PHF6: variants seen among roughly 807,000 people sequenced by gnomAD.
PHF6 encodes PHD finger protein 6.
Under a neutral mutation model 34.0 loss-of-function variants are expected in PHF6, and 7 were observed. That is an observed-to-expected ratio of 0.21 (90% confidence interval 0.12 to 0.39). The LOEUF (loss-of-function observed/expected upper bound fraction) is 0.39, where lower values mean the gene tolerates loss of function less well. PHF6 is among the 10% of genes least tolerant of loss of function. The pLI, the probability that PHF6 is intolerant of heterozygous loss-of-function variation, is 1.00. For synonymous variants in PHF6, 89 were observed against 88.4 expected, an observed-to-expected ratio of 1.01 and a Z score of -0.04; for missense variants, 128 against 262.8, an observed-to-expected ratio of 0.49 and a Z score of 3.55.
At chrX:134,424,996 A>G (rs1427253820) in intron 9 of PHF6, among the ~76,000 whole-genome samples, 1 of 111,997 alleles carries the variant, frequency 8.9e-6, no homozygotes, top group Non-Finnish European at 1.9e-5. Flanking sequence ...ATTTTGTTTC[A>G]GATGAACTTT....
At chrX:134,393,678 A>T (rs201066973) in intron 4 of PHF6, 44 bp downstream of exon 4, 2 of 1,052,104 alleles carry the variant, frequency 1.9e-6, no homozygotes, top group Non-Finnish European at 2.6e-6. Flanking sequence ...TAACAATAAT[A>T]CTTTCTTTGG....
At chrX:134,376,226 G>T (rs1375452966) in intron 1 of PHF6, among the ~76,000 whole-genome samples, 1 of 112,247 alleles carries the variant, frequency 8.9e-6, no homozygotes, top group Admixed American at 9.5e-5. Context: ...GCATACAGCT[G>T]CTACTGTTCT....
chrX:134,400,831 A>G (rs1194523815), intron 5 of PHF6, among the ~76,000 whole-genome samples: 2 of 111,601 alleles, frequency 1.8e-5, no homozygotes, highest in African/African-American at 3.3e-5. Flanking sequence ...ATGTGCATAG[A>G]GAAAGTGGCT....
intron 8 of PHF6, 79 bp downstream of exon 8, chrX:134,415,199 C>G (rs1162928575): frequency 8.3e-7 from 1 of 1,202,847 alleles, no homozygotes; most frequent in Non-Finnish European, 1.1e-6. Context: ...CAAATTTATC[C>G]AGTCATCAGA....
intron 3 of PHF6, among the ~76,000 whole-genome samples, chrX:134,381,644 G>A (rs911991477): frequency 9.1e-6 from 1 of 110,076 alleles, no homozygotes. Flanking sequence ...ACAGGCATGT[G>A]CCACCATGCC....
At chrX:134,420,684 C>G (rs1383014975) in intron 9 of PHF6, among the ~76,000 whole-genome samples, 1 of 110,911 alleles carries the variant, frequency 9.0e-6, no homozygotes, top group Non-Finnish European at 1.9e-5. Flanking sequence ...CCTTGACCTC[C>G]TGGGCTCAGG....
At chrX:134,408,633 T>A (rs1026980631) in intron 5 of PHF6, among the ~76,000 whole-genome samples, 7 of 112,456 alleles carry the variant, frequency 6.2e-5, no homozygotes, top group Admixed American at 1.9e-4. Context: ...CATTTTTCTC[T>A]TGGGGTTTGT....
chrX:134,418,791 A>G (rs1307716422), intron 9 of PHF6: 2 of 111,181 alleles, frequency 1.8e-5, no homozygotes, highest in Admixed American at 9.6e-5. Context: ...ACCAAACCTA[A>G]CAAAGATACG....
chrX:134,415,545 T>C (rs2077469846), intron 8 of PHF6, among the ~76,000 whole-genome samples: 1 of 112,235 alleles, frequency 8.9e-6, no homozygotes, highest in Non-Finnish European at 1.9e-5. Context: ...TTAAATAAAA[T>C]AATATAAAAT....
At chrX:134,401,880 G>T (rs775759902) in intron 5 of PHF6, among the ~76,000 whole-genome samples, 2 of 111,812 alleles carry the variant, frequency 1.8e-5, no homozygotes, top group South Asian at 3.7e-4. Context: ...CAGGAAATAG[G>T]GTCACCATAG....
Position 134,413,662 on chromosome X carries a change from G to GT in PHF6, c.585+6dup. On this transcript the variant is annotated splice_donor_region_variant and intron_variant, in intron 6 of 10. Transcript: ENST00000370803. ...GAAATGGAAAGTAGTTCCTATGTAAGTAAAAAAAACTGTTGGATTCTTACT... is the reference window on the plus strand; with the variant it reads ...GAAATGGAAAGTAGTTCCTATGTAAGTTAAAAAAAACTGTTGGATTCTTACT... 8.3e-7 allele frequency: 1 copy of GT among 1,209,439 alleles called. No individual in the cohort carries two copies. The highest frequency in any genetic ancestry group is 1.8e-5 in the South Asian group (1 of 56,887).
intron 3 of PHF6, among the ~76,000 whole-genome samples, chrX:134,378,648 A>C (rs2077289869): frequency 8.9e-6 from 1 of 112,871 alleles, no homozygotes; most frequent in South Asian, 3.6e-4. Flanking sequence ...ATGTTCCCGT[A>C]GTTGTCTTCA....
At chrX:134,385,127 C>T (rs762828333) in intron 3 of PHF6, among the ~76,000 whole-genome samples, 1 of 111,676 alleles carries the variant, frequency 9.0e-6, no homozygotes, top group Admixed American at 9.5e-5. Context: ...GCCTGCCATT[C>T]AGAAGTCTTG....
At position 134,393,581 on chromosome X, in the gene PHF6, T is replaced by C; in HGVS notation, c.321T>C (p.Cys107=). The change falls in exon 4 of 11, where the codon TGT becomes TGC. Residue 107 remains cysteine (C), a synonymous_variant. Coordinates refer to ENST00000370803, the MANE Select transcript of PHF6 (RefSeq NM_001015877.2). ...KTCHRTYHYH[C]ALHDKAQIRE... ...GTCACAGGACATACCACTACCACTG[T>C]GCATTGCATGATAAAGCTCAAATAC... is the stretch of plus-strand genomic sequence containing the variant. The C allele has an allele frequency of 8.3e-7, 1 of 1,207,115 alleles. No individual in the cohort carries two copies. Among genetic ancestry groups the C allele is most frequent in the Non-Finnish European group, 1.1e-6 (1 of 891,425 alleles).
chrX:134,405,825 T>C (rs1453402202), intron 5 of PHF6, among the ~76,000 whole-genome samples: 2 of 108,339 alleles, frequency 1.8e-5, no homozygotes, highest in Non-Finnish European at 3.8e-5. Context: ...TAATATCAAG[T>C]ATATCAAGTA....
At chrX:134,389,037 A>G (rs1381144581) in intron 3 of PHF6, among the ~76,000 whole-genome samples, 1 of 112,042 alleles carries the variant, frequency 8.9e-6, no homozygotes, top group Non-Finnish European at 1.9e-5. Flanking sequence ...GTAATAAGAC[A>G]GGACCTCTTT....
intron 9 of PHF6, among the ~76,000 whole-genome samples, chrX:134,421,731 A>C (rs2124257795): frequency 9.3e-6 from 1 of 107,939 alleles, no homozygotes; most frequent in East Asian, 2.9e-4. Flanking sequence ...CGTTTATGTG[A>C]TTATGTGTGT....
chrX:134,393,488 C>T lies in PHF6; in HGVS notation c.241-13C>T, dbSNP rs375674521. 1.7e-4 allele frequency: 208 copies of T among 1,207,204 alleles called. No homozygotes were observed. Among genetic ancestry groups the T allele is most frequent in the Non-Finnish European group, 2.1e-4 (191 of 892,976 alleles). On this transcript the variant is annotated splice_polypyrimidine_tract_variant and intron_variant, in intron 3 of 10. Coordinates refer to ENST00000370803, the MANE Select transcript of PHF6 (RefSeq NM_001015877.2). ...TCACATACTAATAATATTATTTTGT[C>T]GTTTTGCTGTAGATGTGTTCTTTGT... is the stretch of plus-strand genomic sequence containing the variant.
chrX:134,383,368 A>G (rs1243920416), intron 3 of PHF6, among the ~76,000 whole-genome samples: 1 of 111,763 alleles, frequency 8.9e-6, no homozygotes, highest in Non-Finnish European at 1.9e-5. Flanking sequence ...ATCCTTCTGT[A>G]TAAATTAAGT....
Sources: gnomAD v4.1 joint callset for allele counts (sites outside exome capture counted in the v4.1 genomes callset) on GRCh38, gnomAD v4.1.1 for gene constraint, MANE v1.5 for transcripts, NCBI Gene and HGNC (gene_info 2026-07-23, HGNC 2026-07-21) for gene names.